DAB1: variants seen among roughly 807,000 people sequenced by gnomAD.
The protein encoded by DAB1 is disabled homolog 1.
In DAB1, 15 loss-of-function variants were observed where a neutral mutation model predicts 64.6. That is an observed-to-expected ratio of 0.23 (90% CI 0.16 to 0.36). The LOEUF (loss-of-function observed/expected upper bound fraction) is 0.36, where lower values mean the gene tolerates loss of function less well. DAB1 is among the 10% of genes least tolerant of loss of function. The pLI is 1.00. For missense variants in DAB1, 596 were observed against 706.7 expected (o/e 0.84, Z 1.78); for synonymous variants, 235 against 251.9 (o/e 0.93, Z 0.64).
At chr1:58,118,141 G>A (rs1445655896) in intron 5 of DAB1, among the ~76,000 whole-genome samples, 2 of 151,418 alleles carry the variant, frequency 1.3e-5, no homozygotes, top group East Asian at 3.9e-4. Context: ...GAACTCCTGG[G>A]CTCAAGCAAT....
intron 5 of DAB1, among the ~76,000 whole-genome samples, chr1:57,945,445 TATTATTA>T (rs1557570043): frequency 6.6e-6 from 1 of 150,706 alleles, no homozygotes; most frequent in Non-Finnish European, 1.5e-5. Context: ...TTATTATTAT[TATTATTA>T]TTATTTTGGC....
chr1:57,045,004 AG>A (rs1424340250), intron 9 of DAB1, among the ~76,000 whole-genome samples: 4 of 152,210 alleles, frequency 2.6e-5, no homozygotes, highest in Non-Finnish European at 5.9e-5. Flanking sequence ...TTCCAAGAGG[AG>A]GAAACCAAGG....
At chr1:57,180,577 T>A (rs1362200574) in intron 2 of DAB1, among the ~76,000 whole-genome samples, 1 of 152,172 alleles carries the variant, frequency 6.6e-6, no homozygotes, top group Non-Finnish European at 1.5e-5. Context: ...TGGCCTAAGA[T>A]AGTCTTCTAC....
intron 5 of DAB1, among the ~76,000 whole-genome samples, chr1:58,058,548 G>T (rs1213643134): frequency 1.3e-5 from 2 of 152,168 alleles, no homozygotes; most frequent in Non-Finnish European, 2.9e-5. Context: ...GATTCAAAGT[G>T]TTAATATTTG....
At chr1:57,281,817 A>C (rs1455244971) in intron 2 of DAB1, among the ~76,000 whole-genome samples, 1 of 152,148 alleles carries the variant, frequency 6.6e-6, no homozygotes, top group Admixed American at 6.5e-5. Flanking sequence ...GTGGGGAAGA[A>C]GGAATGAATG....
chr1:57,388,581 C>T (rs2100993862), intron 1 of DAB1, among the ~76,000 whole-genome samples: 1 of 152,308 alleles, frequency 6.6e-6, no homozygotes. Context: ...CCACCTTCTG[C>T]AGCTCCGTTG....
intron 9 of DAB1, among the ~76,000 whole-genome samples, chr1:57,029,606 G>T (rs980785981): frequency 6.6e-6 from 1 of 152,206 alleles, no homozygotes; most frequent in Admixed American, 6.5e-5. Context: ...CAAAGCCACA[G>T]GGGAAGGGCT....
intron 3 of DAB1, among the ~76,000 whole-genome samples, chr1:58,428,085 A>C (rs766448959): frequency 6.6e-6 from 1 of 152,250 alleles, no homozygotes; most frequent in African/African-American, 2.4e-5. Context: ...TTTGAATTGC[A>C]CTTCCAGGTA....
intron 4 of DAB1, among the ~76,000 whole-genome samples, chr1:58,191,506 G>C (rs1051483215): frequency 6.6e-6 from 1 of 152,204 alleles, no homozygotes; most frequent in African/African-American, 2.4e-5. Flanking sequence ...CTGAGTGCAA[G>C]CTGAGGCCGA....
intron 5 of DAB1, among the ~76,000 whole-genome samples, chr1:57,897,508 C>A (rs1644408704): frequency 1.3e-5 from 2 of 152,136 alleles, no homozygotes; most frequent in Admixed American, 1.3e-4. Flanking sequence ...CTTCTCAATT[C>A]CTTTGGTTGG....
intron 5 of DAB1, among the ~76,000 whole-genome samples, chr1:58,127,985 A>G (rs1377798664): frequency 6.6e-6 from 1 of 151,844 alleles, no homozygotes; most frequent in Non-Finnish European, 1.5e-5. Flanking sequence ...GTTTTTTCCA[A>G]TTGTGTGAAG....
chr1:57,010,707 C>A lies in DAB1; in HGVS notation c.1656G>T (p.Gln552His). ...GEPSGDNISP[Q>H]AGS ...AGACCTGCGCTATCTAGCTACCGGC[C>A]TGTGGACTTATATTATCACCACTGG... Residue 552 changes from glutamine (Q) to histidine (H), a missense_variant, in exon 14 of 15, where the codon CAG becomes CAT. Physicochemically the swap from Gln to His is conservative, Grantham distance 24. Around this residue, in one of 3 missense-constraint regions of DAB1, gnomAD observed 377 missense variants for 400.4 expected, o/e 0.94. Coordinates refer to ENST00000371236, the MANE Select transcript of DAB1 (RefSeq NM_001365792.1). 1 of 1,582,840 alleles carries A rather than the reference C, an allele frequency of 6.3e-7. No individual in the cohort carries two copies. The highest frequency in any genetic ancestry group is 1.2e-5 in the South Asian group (1 of 86,778).
intron 5 of DAB1, among the ~76,000 whole-genome samples, chr1:57,922,872 T>G (rs1406528832): frequency 7.1e-6 from 1 of 140,848 alleles, no homozygotes; most frequent in Non-Finnish European, 1.5e-5. Flanking sequence ...AAAAAAAGAT[T>G]TGAAAAGTTT....
chr1:57,790,787 C>T (rs184371842), intron 6 of DAB1, among the ~76,000 whole-genome samples: 31 of 152,192 alleles, frequency 2.0e-4, no homozygotes, highest in Admixed American at 7.2e-4. Context: ...CAGTGAATGG[C>T]GAATAACATC....
At chr1:57,842,473 C>A (rs536508272) in intron 1 of DAB1, among the ~76,000 whole-genome samples, 1 of 152,168 alleles carries the variant, frequency 6.6e-6, no homozygotes, top group South Asian at 2.1e-4. Flanking sequence ...ATTTTCTATA[C>A]TAGTCCATTT....
At chr1:58,033,796 G>T (rs1647004743) in intron 5 of DAB1, among the ~76,000 whole-genome samples, 2 of 152,242 alleles carry the variant, frequency 1.3e-5, no homozygotes, top group South Asian at 4.2e-4. Flanking sequence ...ACAAGGCATT[G>T]TTCCTCTACA....
chr1:57,824,495 T>C (rs1652259216), downstream of DAB1, among the ~76,000 whole-genome samples: 2 of 152,140 alleles, frequency 1.3e-5, no homozygotes, highest in South Asian at 2.1e-4. Flanking sequence ...TACCTCAAAA[T>C]GTGTTTACAG....
Position 57,207,446 on chromosome 1 carries a change from C to CTTT in DAB1, c.68-62020_68-62018dup, listed in dbSNP as rs772989513. 9.1e-5 allele frequency among the ~76,000 whole-genome samples: 9 copies of CTTT among 98,454 alleles called. 1 individual carries two copies. The highest frequency in any genetic ancestry group is 5.4e-4 in the East Asian group (2 of 3,704). 64.6% of individuals were successfully genotyped at this position (98,454 alleles called of 152,430 possible). On this transcript the variant is annotated intron_variant, in intron 2 of 14. Transcript: ENST00000371236. ...CTGTAATTCATACCTTATTTCCTTT[C>CTTT]TTTTTTTTTTTTTTTGAGATGGAGT...
At chr1:57,380,679 G>A (rs535037293) in intron 1 of DAB1, among the ~76,000 whole-genome samples, 3 of 152,296 alleles carry the variant, frequency 2.0e-5, no homozygotes, top group East Asian at 3.9e-4. Context: ...AGGTCCAGTG[G>A]GGAGACATAA....
Sources: gnomAD v4.1 joint callset for allele counts (sites outside exome capture counted in the v4.1 genomes callset) on GRCh38, gnomAD v4.1.1 for gene constraint, gnomAD v4.1.1 regional missense constraint, MANE v1.5 for transcripts, NCBI Gene and HGNC (gene_info 2026-07-23, HGNC 2026-07-21) for gene names.